Variants in DOK6 observed in about 807,000 individuals in gnomAD.
DOK6 encodes docking protein 6, also known as downstream of tyrosine kinase 6.
In DOK6, 22 loss-of-function variants were observed where a neutral mutation model predicts 44.0. The ratio of observed to expected loss-of-function variants is 0.50; its 90% CI spans 0.36 to 0.71. The LOEUF (loss-of-function observed/expected upper bound fraction) is 0.71. DOK6 is among the 30% of genes least tolerant of loss of function. The pLI, the probability that DOK6 is intolerant of heterozygous loss-of-function variation, is 0.00. For missense variants in DOK6, 340 were observed against 416.4 expected (o/e 0.82, Z 1.60); for synonymous variants, 166 against 145.5 (o/e 1.14, Z -1.01).
chr18:69,673,655 C>A (rs1985858524), intron 3 of DOK6, among the ~76,000 whole-genome samples: 1 of 152,202 alleles, frequency 6.6e-6, no homozygotes, highest in African/African-American at 2.4e-5. Context: ...TCTTATTATT[C>A]CCAAATGACT....
intron 1 of DOK6, among the ~76,000 whole-genome samples, chr18:69,543,089 C>A (rs948866684): frequency 2.6e-5 from 4 of 151,468 alleles, no homozygotes; most frequent in African/African-American, 7.3e-5. Flanking sequence ...CCCAAGCAGA[C>A]CCCGTAATGG....
chr18:69,843,369 T>A lies in DOK6; in HGVS notation c.*1986T>A, dbSNP rs776589968. The A allele has an allele frequency of 1.3e-5, 2 of 152,220 alleles. No individual in the cohort carries two copies. Among genetic ancestry groups the A allele is most frequent in the African/African-American group, 2.4e-5 (1 of 41,448 alleles). 9.4% of individuals were successfully genotyped at this position (152,220 alleles called of 1,614,324 possible). A position where few individuals can be genotyped will look rare whatever the true frequency, so the allele number is the denominator to read the frequency against. Reference sequence around the variant, plus strand: ...GCATTTGCTTTTGAAATGCCTTTAGTCAAATACACCAGAGCAACTCCCAGC... The same window carrying A: ...GCATTTGCTTTTGAAATGCCTTTAGACAAATACACCAGAGCAACTCCCAGC... On this transcript the variant is annotated 3_prime_UTR_variant, in exon 8 of 8. Transcript: ENST00000382713.
At chr18:69,440,775 C>G (rs1313670948) in intron 1 of DOK6, among the ~76,000 whole-genome samples, 4 of 151,832 alleles carry the variant, frequency 2.6e-5, no homozygotes, top group African/African-American at 9.7e-5. Context: ...CACACACACA[C>G]ACATTTCTTT....
chr18:69,425,909 A>G (rs1978623259), intron 1 of DOK6, among the ~76,000 whole-genome samples: 1 of 152,164 alleles, frequency 6.6e-6, no homozygotes, highest in African/African-American at 2.4e-5. Flanking sequence ...AGATATACGT[A>G]TTCATATTAT....
intron 2 of DOK6, among the ~76,000 whole-genome samples, chr18:69,596,312 G>A (rs1263800553): frequency 2.0e-5 from 3 of 152,028 alleles, no homozygotes; most frequent in Non-Finnish European, 4.4e-5. Flanking sequence ...TAAATAATTG[G>A]GTGTGGTCAT....
chr18:69,659,900 TA>T (rs1294494977), intron 3 of DOK6: 7 of 134,600 alleles, frequency 5.2e-5, no homozygotes, highest in Admixed American at 4.4e-4. Context: ...ATATAACATA[TA>T]TGTATGTTTT....
rs551009260 is a variant in DOK6 at position 69,613,524 on chromosome 18, T to G, written c.289+14026T>G. Among the ~76,000 whole-genome samples, 4 of 152,222 alleles carry G rather than the reference T, an allele frequency of 2.6e-5. No individual in the cohort carries two copies. In the South Asian group the frequency reaches 8.3e-4, roughly 31 times the overall value. On this transcript the variant is annotated intron_variant, in intron 3 of 7. Coordinates refer to ENST00000382713, the MANE Select transcript of DOK6 (RefSeq NM_152721.6). ...ACTAATTATTTTTAAAATTAATAAATGAAGAGAAATAAAGGGAAATAAAAT... is the reference window on the plus strand; with the variant it reads ...ACTAATTATTTTTAAAATTAATAAAGGAAGAGAAATAAAGGGAAATAAAAT...
At chr18:69,499,713 G>A (rs1416510444) in intron 1 of DOK6, among the ~76,000 whole-genome samples, 1 of 152,048 alleles carries the variant, frequency 6.6e-6, no homozygotes, top group Non-Finnish European at 1.5e-5. Context: ...ATCTCCATTT[G>A]GAAGCCTAAC....
chr18:69,674,383 G>A (rs560957049), intron 3 of DOK6, among the ~76,000 whole-genome samples: 1 of 152,260 alleles, frequency 6.6e-6, no homozygotes, highest in South Asian at 2.1e-4. Flanking sequence ...TGAAAAGAAT[G>A]AACTGATACT....
chr18:69,424,021 T>C (rs1475856248), intron 1 of DOK6, among the ~76,000 whole-genome samples: 1 of 152,242 alleles, frequency 6.6e-6, no homozygotes, highest in African/African-American at 2.4e-5. Flanking sequence ...TGTGATTTCC[T>C]GTTTTTGCTC....
At chr18:69,840,883 T>C (rs889591822) in intron 7 of DOK6, among the ~76,000 whole-genome samples, 2 of 152,232 alleles carry the variant, frequency 1.3e-5, no homozygotes, top group African/African-American at 4.8e-5. Flanking sequence ...AGGCTCTCCA[T>C]TAAAAACAGC....
At chr18:69,639,970 G>A (rs1348004651) in intron 3 of DOK6, among the ~76,000 whole-genome samples, 1 of 152,122 alleles carries the variant, frequency 6.6e-6, no homozygotes, top group Non-Finnish European at 1.5e-5. Context: ...AGGGTCACTT[G>A]CCTGTTTCCC....
intron 1 of DOK6, among the ~76,000 whole-genome samples, chr18:69,429,002 A>G (rs1274269537): frequency 6.6e-6 from 1 of 152,190 alleles, no homozygotes; most frequent in African/African-American, 2.4e-5. Flanking sequence ...AAATGAATGT[A>G]CTCATGATGA....
At chr18:69,731,364 A>G (rs1311440856) in intron 5 of DOK6, among the ~76,000 whole-genome samples, 1 of 152,196 alleles carries the variant, frequency 6.6e-6, no homozygotes, top group African/African-American at 2.4e-5. Flanking sequence ...GTTATCTCTG[A>G]AAATCTAAAA....
chr18:69,631,548 A>G (rs1243721597), intron 3 of DOK6, among the ~76,000 whole-genome samples: 2 of 152,130 alleles, frequency 1.3e-5, no homozygotes, highest in Admixed American at 1.3e-4. Flanking sequence ...AAACAGACTA[A>G]TCGATCTAAC....
chr18:69,836,940 G>C (rs1445780674), intron 7 of DOK6, among the ~76,000 whole-genome samples: 2 of 152,082 alleles, frequency 1.3e-5, no homozygotes, highest in Non-Finnish European at 2.9e-5. Flanking sequence ...TTCATATATA[G>C]AGTACTGACT....
At chr18:69,770,491 TC>T (rs1167825540) in intron 7 of DOK6, among the ~76,000 whole-genome samples, 1 of 152,128 alleles carries the variant, frequency 6.6e-6, no homozygotes, top group African/African-American at 2.4e-5. Context: ...CAACAGCTCT[TC>T]TCAAATGTGC....
At chr18:69,829,012 G>T (rs933081477) in intron 7 of DOK6, among the ~76,000 whole-genome samples, 2 of 149,874 alleles carry the variant, frequency 1.3e-5, no homozygotes, top group Non-Finnish European at 1.5e-5. Flanking sequence ...CAAAGATGAG[G>T]TTAAGGAAAT....
At chr18:69,479,167 C>A (rs111770869) in intron 1 of DOK6, among the ~76,000 whole-genome samples, 3,668 of 151,922 alleles carry the variant, frequency 0.024, 75 homozygotes, top group Non-Finnish European at 0.041. Flanking sequence ...ATAGAACAAA[C>A]CAGGAAATAG....
Sources: gnomAD v4.1 joint callset for allele counts (sites outside exome capture counted in the v4.1 genomes callset) on GRCh38, gnomAD v4.1.1 for gene constraint, MANE v1.5 for transcripts, NCBI Gene and HGNC (gene_info 2026-07-23, HGNC 2026-07-21) for gene names.